Variants in PTK2 observed in about 807,000 individuals in gnomAD.
PTK2 encodes the protein focal adhesion kinase 1.
PTK2 carries 45 observed loss-of-function variants against 150.1 expected under a neutral mutation model. The observed-to-expected ratio is 0.30, with a 90% CI of 0.24 to 0.38. The LOEUF is 0.38. Ranked by LOEUF, PTK2 falls within the 10% of genes least tolerant of loss-of-function variation. The pLI is 1.00. For missense variants in PTK2, 919 were observed against 1,307.3 expected (o/e 0.70, Z 4.58); for synonymous variants, 432 against 449.2 (o/e 0.96, Z 0.48).
At chr8:140,844,944 T>C (rs984477722) in intron 7 of PTK2, among the ~76,000 whole-genome samples, 5 of 152,154 alleles carry the variant, frequency 3.3e-5, no homozygotes, top group African/African-American at 7.2e-5. Flanking sequence ...CTGGTATCCA[T>C]AGTGGCCCAC....
chr8:140,773,276 A>C (rs2100076567), intron 14 of PTK2, among the ~76,000 whole-genome samples: 1 of 152,254 alleles, frequency 6.6e-6, no homozygotes, highest in African/African-American at 2.4e-5. Flanking sequence ...CACCTGCCAT[A>C]AACTAGGCAT....
At chr8:140,962,563 C>T (rs2100183694) in intron 1 of PTK2, among the ~76,000 whole-genome samples, 1 of 152,060 alleles carries the variant, frequency 6.6e-6, no homozygotes, top group South Asian at 2.1e-4. Flanking sequence ...CTGTGGGAGG[C>T]CGAGGCGTGT....
intron 14 of PTK2, among the ~76,000 whole-genome samples, chr8:140,775,698 C>G (rs903498754): frequency 3.9e-5 from 6 of 152,026 alleles, no homozygotes; most frequent in Non-Finnish European, 7.4e-5. Flanking sequence ...TATTTAAATA[C>G]TAGGCCCTGA....
At chr8:140,958,632 CTG>C (rs1419393248) in intron 1 of PTK2, among the ~76,000 whole-genome samples, 2 of 152,192 alleles carry the variant, frequency 1.3e-5, no homozygotes, top group African/African-American at 4.8e-5. Context: ...CTAGGCCACA[CTG>C]AGACGTAAGT....
At chr8:140,879,695 A>C in intron 3 of PTK2, 58 bp from the exon 4 acceptor site, 6 of 1,252,384 alleles carry the variant, frequency 4.8e-6, no homozygotes, top group Non-Finnish European at 6.2e-6. Context: ...AAAAAAAAAA[A>C]AAAAAACCAA....
chr8:140,659,907 A>G (rs962111058), intron 31 of PTK2, among the ~76,000 whole-genome samples: 1 of 152,202 alleles, frequency 6.6e-6, no homozygotes, highest in African/African-American at 2.4e-5. Flanking sequence ...TGCCTCCATG[A>G]GAAGAAAACT....
chr8:140,944,101 A>C (rs2100176824), intron 1 of PTK2, among the ~76,000 whole-genome samples: 1 of 152,128 alleles, frequency 6.6e-6, no homozygotes, highest in African/African-American at 2.4e-5. Flanking sequence ...AAGAAAAAAC[A>C]CTCATCCCCG....
chr8:140,983,623 A>G (rs1296811075), intron 1 of PTK2, among the ~76,000 whole-genome samples: 4 of 151,406 alleles, frequency 2.6e-5, no homozygotes, highest in Non-Finnish European at 5.9e-5. Flanking sequence ...CCAGTACAAG[A>G]AGGCTGGTTC....
intron 31 of PTK2, among the ~76,000 whole-genome samples, chr8:140,662,355 G>C (rs540847477): frequency 7.2e-5 from 11 of 151,958 alleles, no homozygotes; most frequent in Non-Finnish European, 1.6e-4. Context: ...TTTGTGTATT[G>C]GAATCAGGGG....
chr8:140,820,112 TTTTTTTA>T (rs1179030090), intron 8 of PTK2, among the ~76,000 whole-genome samples: 812 of 73,778 alleles, frequency 0.011, 67 homozygotes, highest in Non-Finnish European at 0.013. Context: ...TTTTTTTTTT[TTTTTTTA>T]AATAGGGTCT....
intron 10 of PTK2, among the ~76,000 whole-genome samples, chr8:140,811,129 G>A (rs1435342545): frequency 6.6e-6 from 1 of 152,198 alleles, no homozygotes; most frequent in Non-Finnish European, 1.5e-5. Flanking sequence ...ACTGTGAAAT[G>A]CTTTGGCTGA....
At chr8:140,937,264 C>T (rs1406789379) in intron 1 of PTK2, among the ~76,000 whole-genome samples, 1 of 152,046 alleles carries the variant, frequency 6.6e-6, no homozygotes, top group Non-Finnish European at 1.5e-5. Flanking sequence ...TTTTTATAAT[C>T]GTTATTGCAT....
Position 140,763,945 on chromosome 8 carries a change from G to A in PTK2, c.1234+289C>T, listed in dbSNP as rs547668091. ...TAACCAATAATACTAATTTTCTACA[G>A]ACAGAAAATACCCTAATCAATAAAG... is the stretch of plus-strand genomic sequence containing the variant. On this transcript the variant is annotated intron_variant, in intron 15 of 31. Coordinates refer to ENST00000522684, the Ensembl canonical transcript of PTK2. 7.0e-4 allele frequency among the ~76,000 whole-genome samples: 106 copies of A among 151,988 alleles called. 1 individual carries two copies. Among genetic ancestry groups the A allele is most frequent in the African/African-American group, 2.2e-3 (91 of 41,456 alleles).
chr8:140,820,121 A>ATTTTTTTTTTTTTT, intron 8 of PTK2, among the ~76,000 whole-genome samples: 1 of 51,246 alleles, frequency 2.0e-5, no homozygotes, highest in Non-Finnish European at 3.7e-5. Flanking sequence ...TTTTTTTTAA[A>ATTTTTTTTTTTTTT]TAGGGTCTCA....
At chr8:140,731,307 C>T (rs555427642) in intron 22 of PTK2, among the ~76,000 whole-genome samples, 10 of 152,072 alleles carry the variant, frequency 6.6e-5, no homozygotes, top group Non-Finnish European at 1.2e-4. Flanking sequence ...TATAACCTGA[C>T]AGTCATAAAG....
chr8:140,759,399 T>C (rs961155031), intron 16 of PTK2, among the ~76,000 whole-genome samples: 2 of 151,844 alleles, frequency 1.3e-5, no homozygotes, highest in African/African-American at 4.8e-5. Flanking sequence ...CTGGGAATGA[T>C]GGCACACACT....
chr8:140,773,876 T>C (rs1232736417), intron 14 of PTK2, among the ~76,000 whole-genome samples: 2 of 152,100 alleles, frequency 1.3e-5, no homozygotes, highest in Non-Finnish European at 2.9e-5. Flanking sequence ...CTTTCAACAA[T>C]TGCTCCGGGC....
In PTK2 at chr8:140,738,336, G is replaced by A. The variant is rs542396275; in HGVS notation, c.1825+682C>T. 7.6e-4 allele frequency among the ~76,000 whole-genome samples: 116 copies of A among 152,268 alleles called. 1 individual carries two copies. Among genetic ancestry groups the A allele is most frequent in the Non-Finnish European group, 1.3e-3 (86 of 68,024 alleles). Reference sequence around the variant, plus strand: ...CAAGAAAAATGGAGAGTAGAGTGGAGGGAAGTGCCATTCATGTTAAAAATA... The same window carrying A: ...CAAGAAAAATGGAGAGTAGAGTGGAAGGAAGTGCCATTCATGTTAAAAATA... On this transcript the variant is annotated intron_variant, in intron 21 of 31. Coordinates refer to ENST00000522684, the Ensembl canonical transcript of PTK2.
At chr8:140,756,977 A>G (rs979387839) in intron 16 of PTK2, among the ~76,000 whole-genome samples, 7 of 151,408 alleles carry the variant, frequency 4.6e-5, no homozygotes, top group African/African-American at 1.7e-4. Context: ...CAACAGAGCG[A>G]TACTCCGTCT....
Sources: allele counts gnomAD v4.1 joint callset (sites outside exome capture counted in the v4.1 genomes callset), GRCh38; gene constraint gnomAD v4.1.1; transcripts MANE v1.5; gene names NCBI Gene and HGNC (gene_info 2026-07-23, HGNC 2026-07-21).